The following IFT20 variants were observed in gnomAD, a reference collection of about 807,000 sequenced individuals.
IFT20 encodes the protein intraflagellar transport 20.
Under a neutral mutation model 16.9 loss-of-function variants are expected in IFT20, and 4 were observed. The observed-to-expected ratio is 0.24, with a 90% CI of 0.12 to 0.54. The LOEUF is 0.54. IFT20 is among the 20% of genes least tolerant of loss of function. IFT20 has a pLI of 0.95. For missense variants in IFT20, 154 were observed against 149.7 expected (o/e 1.03, Z -0.15); for synonymous variants, 48 against 49.9 (o/e 0.96, Z 0.16).
At chr17:28,329,575 C>G in intron 3 of IFT20, 1 of 295,150 alleles carries the variant, frequency 3.4e-6, no homozygotes, top group Non-Finnish European at 6.2e-6. Context: ...ACTATGTAAG[C>G]CTTCATTTCT....
intron 1 of IFT20, among the ~76,000 whole-genome samples, chr17:28,334,633 A>T (rs782101434): frequency 5.9e-5 from 9 of 152,278 alleles, no homozygotes; most frequent in Non-Finnish European, 8.8e-5. Context: ...CTTCTTGTTC[A>T]TCACTCTAAC....
At chr17:28,330,659 C>T in intron 2 of IFT20, 131 bp from the exon 3 acceptor site, 1 of 662,212 alleles carries the variant, frequency 1.5e-6, no homozygotes, top group Non-Finnish European at 2.7e-6. Context: ...CGGTGTGGGC[C>T]AGGCGTGGTG....
chr17:28,334,307 A>C (rs1460772002), intron 1 of IFT20, among the ~76,000 whole-genome samples: 2 of 152,270 alleles, frequency 1.3e-5, no homozygotes, highest in African/African-American at 4.8e-5. Context: ...AAAGTATGTC[A>C]AGTGAAAGGG....
In IFT20 at chr17:28,328,532, A is replaced by C; in HGVS notation, c.*120T>G. On this transcript the variant is annotated 3_prime_UTR_variant, in exon 5 of 5. Coordinates refer to ENST00000395418, the MANE Select transcript of IFT20 (RefSeq NM_001267776.2). ...CTGTCTTCAGGGGGCTGCATTCCTTACACGCCACCTCTTGTGACATAGGTC... is the reference window on the plus strand; with the variant it reads ...CTGTCTTCAGGGGGCTGCATTCCTTCCACGCCACCTCTTGTGACATAGGTC... 1.4e-6 allele frequency: 1 copy of C among 698,464 alleles called. No homozygotes were observed. The highest frequency in any genetic ancestry group is 1.7e-5 in the South Asian group (1 of 59,896). The allele number at this position is 698,464 out of a possible 1,614,324, so 43.3% of individuals were successfully genotyped here.
intron 1 of IFT20, among the ~76,000 whole-genome samples, chr17:28,332,972 A>G (rs947148346): frequency 1.1e-4 from 16 of 152,080 alleles, no homozygotes; most frequent in African/African-American, 3.9e-4. Context: ...GAACTAACAG[A>G]GATATCTTCT....
Position 28,334,560 on chromosome 17 carries a change from T to C in IFT20, c.-3+780A>G, listed in dbSNP as rs575945408. On this transcript the variant is annotated intron_variant, in intron 1 of 4. Transcript: ENST00000395418. The stretch of plus-strand genomic sequence containing the variant: ...ACCAACAAAATCAGACTTAGAAAGA[T>C]CACTCTTGCTCAGCCTGAGAGAACC... Among the ~76,000 whole-genome samples the C allele has an allele frequency of 5.3e-5, 8 of 152,334 alleles. No individual in the cohort carries two copies. The South Asian group carries it at 1.7e-3, about 32-fold the overall frequency.
chr17:28,331,742 G>A (rs553062194), intron 2 of IFT20, 117 bp downstream of exon 2: 36 of 1,333,902 alleles, frequency 2.7e-5, no homozygotes, highest in Admixed American at 2.5e-4. Context: ...ACTCACAGAC[G>A]CCAGATTCAA....
intron 2 of IFT20, chr17:28,331,594 G>T: frequency 2.3e-6 from 1 of 441,454 alleles, no homozygotes; most frequent in Non-Finnish European, 4.1e-6. Context: ...AAAGTTTAAG[G>T]TTTCTAAGAG....
rs1555576580 is a variant in IFT20, at chr17:28,331,838, CTG to C, written c.127+19_127+20del. On this transcript the variant is annotated intron_variant, in intron 2 of 4. Coordinates refer to ENST00000395418, the MANE Select transcript of IFT20 (RefSeq NM_001267776.2). The stretch of plus-strand genomic sequence containing the variant: ...AATGGCAGCTCAAAGCTGAGTGGCA[CTG>C]TATCTCCCCAATACTCACTGTCCAC... The C allele has an allele frequency of 1.2e-6, 2 of 1,613,986 alleles. No individual in the cohort carries two copies. Among genetic ancestry groups the C allele is most frequent in the African/African-American group, 2.7e-5 (2 of 74,930 alleles).
At chr17:28,334,238 G>C (rs912041428) in intron 1 of IFT20, among the ~76,000 whole-genome samples, 34 of 152,350 alleles carry the variant, frequency 2.2e-4, no homozygotes, top group African/African-American at 7.9e-4. Flanking sequence ...ACTTGGAGGG[G>C]AGGGCCAACA....
At chr17:28,328,855 G>A (rs1168057845) in intron 4 of IFT20, 122 bp from the exon 5 acceptor site, 1 of 652,734 alleles carries the variant, frequency 1.5e-6, no homozygotes, top group East Asian at 2.5e-5. Context: ...TCAGAATGAA[G>A]AAAGAAAGAG....
In IFT20 at chr17:28,335,404, G is replaced by T. The variant is rs540980731; in HGVS notation, c.-67C>A. ...GATGTAGACAGGCAGCTTCTCCTGG[G>T]TCAGCGACAGCCGGTACCCAGCCAG... is the stretch of plus-strand genomic sequence containing the variant. On this transcript the variant is annotated 5_prime_UTR_variant, in exon 1 of 5. Transcript: ENST00000395418. The T allele has an allele frequency of 6.6e-6, 1 of 152,410 alleles. No individual in the cohort carries two copies. The highest frequency in any genetic ancestry group is 2.4e-5 in the African/African-American group (1 of 41,572). 9.4% of individuals were successfully genotyped at this position (152,410 alleles called of 1,614,324 possible). A position where few individuals can be genotyped will look rare whatever the true frequency, so the allele number is the denominator to read the frequency against.
At chr17:28,332,380 C>G (rs1257421301) in intron 1 of IFT20, 6 of 579,876 alleles carry the variant, frequency 1.0e-5, no homozygotes, top group African/African-American at 9.4e-5. Context: ...GCACATAGTT[C>G]AGCTGGAAGA....
intron 1 of IFT20, among the ~76,000 whole-genome samples, chr17:28,332,970 A>T (rs782205838): frequency 2.6e-5 from 4 of 152,088 alleles, no homozygotes; most frequent in Non-Finnish European, 5.9e-5. Context: ...GAGAACTAAC[A>T]GAGATATCTT....
At chr17:28,334,633 A>G (rs782101434) in intron 1 of IFT20, among the ~76,000 whole-genome samples, 1 of 152,396 alleles carries the variant, frequency 6.6e-6, no homozygotes, top group South Asian at 2.1e-4. Context: ...CTTCTTGTTC[A>G]TCACTCTAAC....
chr17:28,334,588 T>C (rs113042483), intron 1 of IFT20, among the ~76,000 whole-genome samples: 54 of 152,332 alleles, frequency 3.5e-4, no homozygotes, highest in Non-Finnish European at 6.5e-4. Context: ...AGAGAACCGA[T>C]TGGAGGGAAC....
rs1210590980 is a variant in IFT20 at position 28,328,550 on chromosome 17, CAT to C, written c.*100_*101del. On this transcript the variant is annotated 3_prime_UTR_variant, in exon 5 of 5. Transcript: ENST00000395418. ...ATTCCTTACACGCCACCTCTTGTGA[CAT>C]AGGTCATTGGTCAAGCCGCTGGAAT... 7 of 737,312 alleles carry C rather than the reference CAT, an allele frequency of 9.5e-6. No individual in the cohort carries two copies. Among genetic ancestry groups the C allele is most frequent in the African/African-American group, 1.8e-5 (1 of 55,634 alleles). The allele number at this position is 737,312 out of a possible 1,614,324, so 45.7% of individuals were successfully genotyped here. A position where few individuals can be genotyped will look rare whatever the true frequency, so the allele number is the denominator to read the frequency against.
chr17:28,328,414 C>G lies in IFT20; in HGVS notation c.*238G>C. 1 of 432,118 alleles carries G rather than the reference C, an allele frequency of 2.3e-6. No individual in the cohort carries two copies. The highest frequency in any genetic ancestry group is 4.0e-5 in the East Asian group (1 of 24,816). The allele number at this position is 432,118 out of a possible 1,614,324, so 26.8% of individuals were successfully genotyped here. On this transcript the variant is annotated 3_prime_UTR_variant, in exon 5 of 5. Transcript: ENST00000395418. ...ATGAAAGTTTACAAACTGCTTAGTT[C>G]CAACTAAGCATAAGAGGTGAGAACG...
intron 1 of IFT20, among the ~76,000 whole-genome samples, chr17:28,333,107 A>ACACACACACACACACACACACACACACAC (rs1555576829): frequency 6.6e-6 from 1 of 150,828 alleles, no homozygotes; most frequent in African/African-American, 2.5e-5. Flanking sequence ...ACACACACAC[A>ACACACACACACACACACACACACACACAC]ATTAAACATA....
Sources: allele counts gnomAD v4.1 joint callset (sites outside exome capture counted in the v4.1 genomes callset), GRCh38; gene constraint gnomAD v4.1.1; transcripts MANE v1.5; gene names NCBI Gene and HGNC (gene_info 2026-07-23, HGNC 2026-07-21).